Variants in DPH7 observed in about 807,000 individuals in gnomAD.
DPH7 encodes the protein diphthine methyltransferase.
A neutral mutation model predicts 41.7 loss-of-function variants in DPH7; 44 were observed. The observed-to-expected ratio is 1.05, with a 90% CI of 0.83 to 1.36. The LOEUF (loss-of-function observed/expected upper bound fraction) is 1.36, where lower values mean the gene tolerates loss of function less well. Ranked by LOEUF, DPH7 falls within the 40% of genes most tolerant of loss-of-function variation. The pLI is 0.00. For missense variants in DPH7, 629 were observed against 577.5 expected, an observed-to-expected ratio of 1.09 and a Z score of -0.91; for synonymous variants, 275 against 238.0, an observed-to-expected ratio of 1.16 and a Z score of -1.43.
intron 8 of DPH7, among the ~76,000 whole-genome samples, chr9:137,558,547 G>A (rs954230671): frequency 2.0e-5 from 3 of 152,144 alleles, no homozygotes; most frequent in Non-Finnish European, 2.9e-5. Flanking sequence ...CCTTGAAAAC[G>A]TTAAGCTATG....
At chr9:137,577,942 T>G in intron 1 of DPH7, 1 of 983,078 alleles carries the variant, frequency 1.0e-6, no homozygotes. Flanking sequence ...GAAGTTAAGA[T>G]ATAATTCCCA....
At chr9:137,575,685 C>T (rs749655925) in intron 3 of DPH7, 4 of 1,035,078 alleles carry the variant, frequency 3.9e-6, no homozygotes, top group Non-Finnish European at 4.7e-6. Flanking sequence ...GTGAGAAACT[C>T]GGAAAAATTC....
intron 5 of DPH7, among the ~76,000 whole-genome samples, chr9:137,572,758 A>G (rs540761433): frequency 6.6e-6 from 1 of 152,306 alleles, no homozygotes; most frequent in Non-Finnish European, 1.5e-5. Flanking sequence ...GCATGCCCCA[A>G]ATGCAAACCA....
chr9:137,555,352 T>G lies in DPH7; in HGVS notation c.1246A>C (p.Thr416Pro). The G allele has an allele frequency of 1.2e-6, 2 of 1,614,216 alleles. No homozygotes were observed. The highest frequency in any genetic ancestry group is 1.7e-6 in the Non-Finnish European group (2 of 1,180,032). Residue 416 changes from threonine to proline, a missense_variant, in exon 9 of 9, where the codon ACC becomes CCC. Coordinates refer to ENST00000277540, the MANE Select transcript of DPH7 (RefSeq NM_138778.5). ...NGTWLQATAA[T>P]TRDCGVNPEE... is the part of the protein sequence containing the mutation. The stretch of plus-strand genomic sequence containing the variant: ...GGGTTCACGCCACAGTCACGTGTGG[T>G]GGCTGCTGTAGCCTGCAGCCAGGTG...
chr9:137,574,704 T>C, intron 4 of DPH7, 48 bp downstream of exon 4: 1 of 1,574,078 alleles, frequency 6.4e-7, no homozygotes, highest in Non-Finnish European at 8.7e-7. Flanking sequence ...AAAGTGGAAG[T>C]GGTTCTCAGA....
At chr9:137,573,931 T>C (rs568248806) in intron 5 of DPH7, among the ~76,000 whole-genome samples, 10 of 152,180 alleles carry the variant, frequency 6.6e-5, no homozygotes, top group African/African-American at 2.4e-4. Flanking sequence ...CTGGGTGTGG[T>C]GGCAGGCGCC....
At chr9:137,555,890 C>T (rs371004639) in intron 8 of DPH7, among the ~76,000 whole-genome samples, 13 of 152,334 alleles carry the variant, frequency 8.5e-5, no homozygotes, top group African/African-American at 2.4e-4. Context: ...AGCGGGGCTA[C>T]AGAACCTCAC....
chr9:137,555,945 T>C (rs936514988), intron 8 of DPH7, among the ~76,000 whole-genome samples: 6 of 152,154 alleles, frequency 3.9e-5, no homozygotes, highest in Non-Finnish European at 4.4e-5. Context: ...GGGAAAGACC[T>C]CAGTTAACAC....
intron 8 of DPH7, among the ~76,000 whole-genome samples, chr9:137,562,409 T>C (rs1318993287): frequency 6.6e-6 from 1 of 152,020 alleles, no homozygotes; most frequent in East Asian, 1.9e-4. Flanking sequence ...CAGAAAGAAA[T>C]GTGGGCACTT....
intron 3 of DPH7, chr9:137,575,507 C>G: frequency 1.0e-6 from 1 of 990,980 alleles, no homozygotes. Context: ...TAAGCAAGGC[C>G]TTTTCCTACA....
At chr9:137,563,459 G>A (rs1838971779) in intron 8 of DPH7, among the ~76,000 whole-genome samples, 1 of 149,802 alleles carries the variant, frequency 6.7e-6, no homozygotes, top group South Asian at 2.1e-4. Context: ...TAGAACCCAG[G>A]AGGCGAAGGC....
In DPH7 at chr9:137,565,067, T is replaced by C. The variant is rs758855747; in HGVS notation, c.710+18A>G. The stretch of plus-strand genomic sequence containing the variant: ...GGGGGCTGGTGTGGGCACCGAGTGC[T>C]GGCCCTTGGGCAGTTACCTTTTGCT... On this transcript the variant is annotated intron_variant, in intron 6 of 8. Transcript: ENST00000277540. 5.6e-6 allele frequency: 9 copies of C among 1,613,880 alleles called. No homozygotes were observed. The East Asian group carries it at 8.9e-5, about 16-fold the overall frequency.
chr9:137,574,412 C>T (rs748614141), intron 4 of DPH7, 32 bp from the exon 5 acceptor site: 3 of 1,603,930 alleles, frequency 1.9e-6, no homozygotes, highest in South Asian at 2.2e-5. Flanking sequence ...AGAAGCCCGG[C>T]AGAATGTTAT....
intron 8 of DPH7, among the ~76,000 whole-genome samples, chr9:137,558,816 C>T (rs1385498015): frequency 6.6e-6 from 1 of 152,126 alleles, no homozygotes; most frequent in Non-Finnish European, 1.5e-5. Context: ...CTCACTGCAA[C>T]CTCCGCCTCC....
chr9:137,560,976 C>T (rs569509607), intron 8 of DPH7, among the ~76,000 whole-genome samples: 43 of 142,230 alleles, frequency 3.0e-4, no homozygotes, highest in Middle Eastern at 7.6e-3. Flanking sequence ...GGGCCGAGAT[C>T]GTGCCACTGC....
Position 137,574,338 on chromosome 9 carries a change from T to G in DPH7, c.510A>C (p.Thr170=). Residue 170 remains threonine (T), a synonymous_variant, in exon 5 of 9, where the codon ACA becomes ACC. Coordinates refer to ENST00000277540, the MANE Select transcript of DPH7 (RefSeq NM_138778.5). ...TCACCATCAGGAGGTGGAGCTGCCC[T>G]GTGGAGTCACTGCTGATGATCTTCA... ...QPLKIISSDS[T]GQLHLLMVNE... 6.2e-7 allele frequency: 1 copy of G among 1,614,178 alleles called. No individual in the cohort carries two copies. The highest frequency in any genetic ancestry group is 8.5e-7 in the Non-Finnish European group (1 of 1,180,036).
chr9:137,565,021 G>C, intron 6 of DPH7, 63 bp from the exon 7 acceptor site: 1 of 1,610,570 alleles, frequency 6.2e-7, no homozygotes, highest in African/African-American at 1.3e-5. Context: ...GGAACGGGAG[G>C]GCTGGTGACC....
At chr9:137,573,185 C>T (rs1840743234) in intron 5 of DPH7, among the ~76,000 whole-genome samples, 1 of 150,760 alleles carries the variant, frequency 6.6e-6, no homozygotes. Context: ...CACAGTGAAA[C>T]CCCGTCTCTA....
chr9:137,559,134 A>G (rs1435562602), intron 8 of DPH7, among the ~76,000 whole-genome samples: 1 of 152,168 alleles, frequency 6.6e-6, no homozygotes, highest in South Asian at 2.1e-4. Flanking sequence ...GGTAGTAATT[A>G]CTCTTTATCC....
Sources: gnomAD v4.1 joint callset for allele counts (sites outside exome capture counted in the v4.1 genomes callset) on GRCh38, gnomAD v4.1.1 for gene constraint, MANE v1.5 for transcripts, NCBI Gene and HGNC (gene_info 2026-07-23, HGNC 2026-07-21) for gene names.